The following VTI1A variants were observed in gnomAD, a reference collection of about 807,000 sequenced individuals.
VTI1A encodes the protein vesicle transport through interaction with t-SNAREs 1A.
In VTI1A, 22 loss-of-function variants were observed where a neutral mutation model predicts 34.9. The ratio of observed to expected loss-of-function variants is 0.63; its 90% CI spans 0.45 to 0.90. The LOEUF (loss-of-function observed/expected upper bound fraction) is 0.90. Among genes scored for constraint, VTI1A ranks in the 40% least tolerant of loss-of-function variants. The pLI is 0.00. For missense variants in VTI1A, 268 were observed against 275.6 expected, an observed-to-expected ratio of 0.97 and a Z score of 0.20; for synonymous variants, 87 against 97.3, an observed-to-expected ratio of 0.89 and a Z score of 0.62.
At chr10:112,765,461 C>T (rs147183335) in intron 7 of VTI1A, among the ~76,000 whole-genome samples, 6 of 152,338 alleles carry the variant, frequency 3.9e-5, no homozygotes, top group South Asian at 4.1e-4. Flanking sequence ...CTGCCCACCT[C>T]GGCCTCCCAA....
chr10:112,654,069 A>C (rs1240383355), intron 5 of VTI1A, among the ~76,000 whole-genome samples: 2 of 152,186 alleles, frequency 1.3e-5, no homozygotes. Context: ...GAAACTCCCG[A>C]TGTCATAGTG....
chr10:112,634,902 A>G (rs1435402138), intron 5 of VTI1A, among the ~76,000 whole-genome samples: 1 of 152,200 alleles, frequency 6.6e-6, no homozygotes, highest in African/African-American at 2.4e-5. Flanking sequence ...ATCTGAATAC[A>G]TAAACATGCA....
intron 7 of VTI1A, among the ~76,000 whole-genome samples, chr10:112,676,896 G>A (rs533495187): frequency 6.6e-6 from 1 of 152,260 alleles, no homozygotes; most frequent in African/African-American, 2.4e-5. Flanking sequence ...TGCTCTTTCC[G>A]TCTCGCATCT....
chr10:112,718,876 AAATGAACAGTCGACTGCACTGT>A (rs1849698205), intron 7 of VTI1A, among the ~76,000 whole-genome samples: 2 of 152,242 alleles, frequency 1.3e-5, no homozygotes, highest in South Asian at 4.1e-4. Context: ...ATTGTTATTT[AAATGAACAGTCGACTGCACTGT>A]AATGAAGAAA....
intron 7 of VTI1A, among the ~76,000 whole-genome samples, chr10:112,776,269 C>T (rs1851953783): frequency 6.6e-6 from 1 of 152,140 alleles, no homozygotes; most frequent in Non-Finnish European, 1.5e-5. Flanking sequence ...AAGCTTTCAG[C>T]GGGATCACTG....
chr10:112,554,793 C>T (rs755805579), intron 5 of VTI1A, among the ~76,000 whole-genome samples: 2 of 152,102 alleles, frequency 1.3e-5, no homozygotes, highest in Admixed American at 6.6e-5. Flanking sequence ...TTTCCTCCCA[C>T]TCTCTACCTC....
At chr10:112,685,758 A>G (rs1848381432) in intron 7 of VTI1A, among the ~76,000 whole-genome samples, 1 of 152,080 alleles carries the variant, frequency 6.6e-6, no homozygotes, top group African/African-American at 2.4e-5. Flanking sequence ...GACTTCTTGA[A>G]TCTGCAAATG....
At chr10:112,659,816 A>AT (rs1181880881) in intron 5 of VTI1A, among the ~76,000 whole-genome samples, 1 of 152,212 alleles carries the variant, frequency 6.6e-6, no homozygotes, top group Non-Finnish European at 1.5e-5. Flanking sequence ...TGAATGTATA[A>AT]TTTTTTAAAA....
the VTI1A span, among the ~76,000 whole-genome samples, chr10:112,835,625 G>GT: frequency 1.3e-5 from 2 of 152,232 alleles, no homozygotes; most frequent in African/African-American, 4.8e-5. Context: ...CCTTTCATGT[G>GT]TTTTTTTCAT....
chr10:112,456,335 C>T (rs183887616), intron 1 of VTI1A, among the ~76,000 whole-genome samples: 1 of 149,688 alleles, frequency 6.7e-6, no homozygotes, highest in Admixed American at 6.7e-5. Context: ...AGCAGGAGAA[C>T]CACTTGAACC....
chr10:112,648,327 G>C (rs1037293933), intron 5 of VTI1A, among the ~76,000 whole-genome samples: 3 of 152,166 alleles, frequency 2.0e-5, no homozygotes, highest in African/African-American at 7.2e-5. Context: ...CATGAAACTA[G>C]AGAATGTTTG....
intron 7 of VTI1A, among the ~76,000 whole-genome samples, chr10:112,810,527 G>T (rs966418036): frequency 2.0e-5 from 3 of 152,078 alleles, no homozygotes; most frequent in African/African-American, 4.8e-5. Context: ...CAAAAGGCCT[G>T]CAGTGGATCC....
intron 7 of VTI1A, among the ~76,000 whole-genome samples, chr10:112,797,476 G>T (rs1025198636): frequency 6.6e-6 from 1 of 152,036 alleles, no homozygotes; most frequent in Admixed American, 6.6e-5. Context: ...TTGGCTACAG[G>T]AGGAGCCCAG....
intron 5 of VTI1A, among the ~76,000 whole-genome samples, chr10:112,624,773 A>G (rs375630844): frequency 1.4e-4 from 21 of 152,250 alleles, no homozygotes; most frequent in African/African-American, 4.8e-4. Flanking sequence ...ATTATTCTTC[A>G]CTTGAATAAT....
At chr10:112,840,718 AC>A in the VTI1A span, among the ~76,000 whole-genome samples, 1 of 152,036 alleles carries the variant, frequency 6.6e-6, no homozygotes, top group Non-Finnish European at 1.5e-5. Context: ...GAACAACTAG[AC>A]CCCTGGGGGG....
intron 5 of VTI1A, among the ~76,000 whole-genome samples, chr10:112,567,213 A>G (rs1229593748): frequency 6.6e-6 from 1 of 151,986 alleles, no homozygotes; most frequent in Non-Finnish European, 1.5e-5. Context: ...TATTTTGTGT[A>G]GAGACCAGTT....
At chr10:112,803,517 C>T (rs1471725598) in intron 7 of VTI1A, among the ~76,000 whole-genome samples, 3 of 152,170 alleles carry the variant, frequency 2.0e-5, no homozygotes, top group South Asian at 2.1e-4. Flanking sequence ...CAAGAGTGGA[C>T]GTGGGGCCGG....
intron 7 of VTI1A, among the ~76,000 whole-genome samples, chr10:112,694,535 G>A (rs962840701): frequency 7.2e-5 from 11 of 151,934 alleles, no homozygotes; most frequent in African/African-American, 2.7e-4. Context: ...GAACTCTAAT[G>A]TCTGGAAGCA....
chr10:112,579,997 G>A (rs1843861190), intron 5 of VTI1A, among the ~76,000 whole-genome samples: 1 of 152,186 alleles, frequency 6.6e-6, no homozygotes, highest in South Asian at 2.1e-4. Context: ...TTAAGAAAAA[G>A]TGACTGGGGA....
Sources: allele counts gnomAD v4.1 joint callset (sites outside exome capture counted in the v4.1 genomes callset), GRCh38; gene constraint gnomAD v4.1.1; transcripts MANE v1.5; gene names NCBI Gene and HGNC (gene_info 2026-07-23, HGNC 2026-07-21).